The following DLG5 variants were observed in gnomAD, a reference collection of about 807,000 sequenced individuals.
The protein encoded by DLG5 is discs large MAGUK scaffold protein 5, also known as disks large homolog 5.
In DLG5, 48 loss-of-function variants were observed where a neutral mutation model predicts 189.8. The observed-to-expected ratio is 0.25, with a 90% confidence interval of 0.20 to 0.32. DLG5 has a LOEUF of 0.32. DLG5 is among the 10% of genes least tolerant of loss of function. DLG5 has a pLI of 1.00. For synonymous variants in DLG5, 1,016 were observed against 1,054.1 expected, an observed-to-expected ratio of 0.96 and a Z score of 0.70; for missense variants, 2,160 against 2,544.7, an observed-to-expected ratio of 0.85 and a Z score of 3.25.
At chr10:77,893,655 G>C (rs1210268415) in intron 1 of DLG5, among the ~76,000 whole-genome samples, 1 of 152,240 alleles carries the variant, frequency 6.6e-6, no homozygotes, top group Non-Finnish European at 1.5e-5. Context: ...ATCTGCTCTG[G>C]ACGGTCCCGT....
In DLG5 at chr10:77,817,113, G is replaced by C; in HGVS notation, c.3785-17C>G. On this transcript the variant is annotated splice_polypyrimidine_tract_variant and intron_variant, in intron 18 of 31. Coordinates refer to ENST00000372391, the MANE Select transcript of DLG5 (RefSeq NM_004747.4). ...TCGAAGAACCTATTGTTCCATAAGG[G>C]AACAAAACTTCAGGCCTCATGGTTA... 1 of 1,612,994 alleles carries C rather than the reference G, an allele frequency of 6.2e-7. No homozygotes were observed. Among genetic ancestry groups the C allele is most frequent in the Non-Finnish European group, 8.5e-7 (1 of 1,179,052 alleles).
rs185700937 is a variant in DLG5, at chr10:77,873,463, C to T, written c.305-4266G>A. Among the ~76,000 whole-genome samples the T allele has an allele frequency of 5.5e-4, 83 of 152,246 alleles. 1 individual carries two copies. Among genetic ancestry groups the T allele is most frequent in the African/African-American group, 2.0e-3 (83 of 41,546 alleles). On this transcript the variant is annotated intron_variant, in intron 1 of 31. Coordinates refer to ENST00000372391, the MANE Select transcript of DLG5 (RefSeq NM_004747.4). ...ACTGGCCCACGGGCACTGTCTGTGT[C>T]CTTTCCAAGAGCCCAGCCCCTGATA...
intron 2 of DLG5, among the ~76,000 whole-genome samples, chr10:77,862,089 A>G (rs1844493738): frequency 6.6e-6 from 1 of 152,172 alleles, no homozygotes; most frequent in Non-Finnish European, 1.5e-5. Context: ...CATTCAACTG[A>G]AGTTTTTGTC....
chr10:77,873,236 C>A (rs1844975752), intron 1 of DLG5, among the ~76,000 whole-genome samples: 1 of 152,112 alleles, frequency 6.6e-6, no homozygotes, highest in Non-Finnish European at 1.5e-5. Context: ...ATCAAAGGAA[C>A]TACCTGGGCA....
chr10:77,940,497 T>G, the DLG5 span, among the ~76,000 whole-genome samples: 1 of 152,216 alleles, frequency 6.6e-6, no homozygotes, highest in African/African-American at 2.4e-5. Context: ...TGCCTTGAAT[T>G]GCAGGGGAGT....
rs1395058104 is a variant in DLG5 at position 77,926,522 on chromosome 10, G to C, written c.-2C>G. 1 of 1,281,290 alleles carries C rather than the reference G, an allele frequency of 7.8e-7. No homozygotes were observed. The allele number at this position is 1,281,290 out of a possible 1,614,324, so 79.4% of individuals were successfully genotyped here. On this transcript the variant is annotated 5_prime_UTR_variant, in exon 1 of 32. Transcript: ENST00000372391. This position sits in a 1 kb window ranked among gnomAD's most constrained non-coding sequence, Gnocchi z 5.2. ...CAGCTCCCGGCGCTGGGGCTCCATG[G>C]TGGCGGGCCGCGCCGCCCCGCCCCG...
intron 23 of DLG5, among the ~76,000 whole-genome samples, chr10:77,810,832 G>A (rs908197750): frequency 2.0e-5 from 3 of 152,200 alleles, no homozygotes; most frequent in Non-Finnish European, 4.4e-5. Context: ...CTCAGAAAGC[G>A]AGTGAACAAG....
chr10:77,896,722 G>C (rs927493578), intron 1 of DLG5, among the ~76,000 whole-genome samples: 26 of 151,972 alleles, frequency 1.7e-4, no homozygotes, highest in African/African-American at 5.6e-4. Flanking sequence ...GAGAGGCTGA[G>C]GCAGGAGAAT....
At chr10:77,806,719 C>CCG in intron 26 of DLG5, 39 bp downstream of exon 26, 7 of 1,137,754 alleles carry the variant, frequency 6.2e-6, no homozygotes, top group South Asian at 1.2e-5. Flanking sequence ...CCCTCGGCGA[C>CCG]CCCTGCCCCA....
chr10:77,892,078 C>T (rs1162939956), intron 1 of DLG5, among the ~76,000 whole-genome samples: 6 of 152,212 alleles, frequency 3.9e-5, no homozygotes, highest in African/African-American at 1.4e-4. Flanking sequence ...ACGGACACAC[C>T]CACAGGCCAA....
intron 1 of DLG5, among the ~76,000 whole-genome samples, chr10:77,888,733 C>G (rs935862426): frequency 6.6e-6 from 1 of 152,192 alleles, no homozygotes; most frequent in Non-Finnish European, 1.5e-5. Context: ...TAAGGACCAT[C>G]CCAAACCCCG....
At chr10:77,818,280 GT>G (rs1378266841) in intron 17 of DLG5, among the ~76,000 whole-genome samples, 1 of 152,218 alleles carries the variant, frequency 6.6e-6, no homozygotes, top group Non-Finnish European at 1.5e-5. Flanking sequence ...GGGGACCTAT[GT>G]GCCTCACTCG....
chr10:77,813,479 C>T (rs148483540), intron 20 of DLG5, among the ~76,000 whole-genome samples: 19 of 152,310 alleles, frequency 1.2e-4, no homozygotes, highest in Middle Eastern at 3.4e-3. Context: ...GTTCCCACTT[C>T]CCAAACTTGC....
rs1051277652 is a variant in DLG5, at chr10:77,828,731, C to A, written c.2289+151G>T. On this transcript the variant is annotated intron_variant, in intron 13 of 31. Coordinates refer to ENST00000372391, the MANE Select transcript of DLG5 (RefSeq NM_004747.4). The stretch of plus-strand genomic sequence containing the variant: ...ATTTTCTACAGTAAATAGAAACATA[C>A]CATCAAGAAACCTATTTTTAAATGT... 33 of 700,530 alleles carry A rather than the reference C, an allele frequency of 4.7e-5. No homozygotes were observed. The Admixed American group carries it at 8.9e-4, about 19-fold the overall frequency. 43.4% of individuals were successfully genotyped at this position (700,530 alleles called of 1,614,324 possible). A position where few individuals can be genotyped will look rare whatever the true frequency, so the allele number is the denominator to read the frequency against.
In DLG5 at chr10:77,806,835, C is replaced by T. The variant is rs758877568; in HGVS notation, c.4890G>A (p.Thr1630=). 29 of 1,613,978 alleles carry T rather than the reference C, an allele frequency of 1.8e-5. No homozygotes were observed. The highest frequency in any genetic ancestry group is 8.0e-5 in the African/African-American group (6 of 74,916). ...GCTGCCAAGCCATCCAGGACCCGAA[C>T]GTGCCCTGGGGTAAGGTGTCATCCA... ...LYVDDTLPQG[T]FGSWMAWQLD... is the part of the protein sequence containing the mutation. Residue 1630 remains threonine (T), a synonymous_variant, in exon 26 of 32, where the codon ACG becomes ACA. Transcript: ENST00000372391.
intron 21 of DLG5, 62 bp from the exon 22 acceptor site, chr10:77,812,119 T>G: frequency 6.3e-7 from 1 of 1,598,940 alleles, no homozygotes; most frequent in Non-Finnish European, 8.5e-7. Context: ...GAGGAGGCCC[T>G]GGGGACTTGG....
chr10:77,803,199 G>C (rs2154575025), intron 27 of DLG5, among the ~76,000 whole-genome samples: 1 of 152,272 alleles, frequency 6.6e-6, no homozygotes, highest in East Asian at 1.9e-4. Flanking sequence ...CATAAACGAG[G>C]TAGAATGAAT....
chr10:77,926,902 T>C, upstream of DLG5: 1 of 341,564 alleles, frequency 2.9e-6, no homozygotes, highest in Non-Finnish European at 6.0e-6. This position sits in a 1 kb window ranked among gnomAD's most constrained non-coding sequence, Gnocchi z 5.2. Context: ...GCGAGAAAAC[T>C]CGCCCCGAAA....
chr10:77,807,411 T>C (rs1841531130), intron 25 of DLG5, among the ~76,000 whole-genome samples: 1 of 152,150 alleles, frequency 6.6e-6, no homozygotes. Context: ...CATCCCTAAA[T>C]GCCCACAGCA....
Sources: allele counts gnomAD v4.1 joint callset (sites outside exome capture counted in the v4.1 genomes callset), GRCh38; gene constraint gnomAD v4.1.1; non-coding constraint Gnocchi (gnomAD v3.1); transcripts MANE v1.5; gene names NCBI Gene and HGNC (gene_info 2026-07-23, HGNC 2026-07-21).